Variants in JAK1 observed in about 807,000 individuals in gnomAD.
The protein encoded by JAK1 is tyrosine-protein kinase JAK1.
Under a neutral mutation model 136.6 loss-of-function variants are expected in JAK1, and 16 were observed. The observed-to-expected ratio is 0.12, with a 90% CI of 0.08 to 0.18. The LOEUF (loss-of-function observed/expected upper bound fraction) is 0.18, where lower values mean the gene tolerates loss of function less well. JAK1 is among the 10% of genes least tolerant of loss of function. The pLI is 1.00. For missense variants in JAK1, 859 were observed against 1,450.1 expected (o/e 0.59, Z 6.62); for synonymous variants, 492 against 519.5 (o/e 0.95, Z 0.72).
chr1:64,935,564 G>A (rs1192072258), intron 1 of JAK1, among the ~76,000 whole-genome samples: 2 of 152,160 alleles, frequency 1.3e-5, no homozygotes, highest in African/African-American at 4.8e-5. Context: ...GCCTCCCAAA[G>A]TGCTGAGATT....
At chr1:64,995,774 GTCAC>G (rs1267511417) in intron 2 of JAK1, among the ~76,000 whole-genome samples, 1 of 152,156 alleles carries the variant, frequency 6.6e-6, no homozygotes, top group Non-Finnish European at 1.5e-5. Context: ...GTCTCTCTCT[GTCAC>G]TCAGGCTGGA....
chr1:64,986,884 C>A (rs1290072176), intron 2 of JAK1, among the ~76,000 whole-genome samples: 1 of 151,632 alleles, frequency 6.6e-6, no homozygotes, highest in Non-Finnish European at 1.5e-5. Context: ...AGCCACCCCC[C>A]ACCCAAAAAA....
At chr1:65,038,241 C>T (rs1647095405) in intron 2 of JAK1, among the ~76,000 whole-genome samples, 1 of 149,844 alleles carries the variant, frequency 6.7e-6, no homozygotes, top group South Asian at 2.1e-4. Context: ...TCTTGTTGCC[C>T]AGGCTGGAGT....
chr1:65,004,504 G>C (rs1646788204), intron 2 of JAK1, among the ~76,000 whole-genome samples: 1 of 152,226 alleles, frequency 6.6e-6, no homozygotes. Flanking sequence ...AGAATAGACA[G>C]ATGCAATCTG....
In JAK1 at chr1:64,864,860, T is replaced by G; in HGVS notation, c.1103A>C (p.Tyr368Ser). The change falls in exon 8 of 25, where the codon TAC (tyrosine) becomes TCC (serine). Residue 368 changes from tyrosine to serine, a missense_variant. This residue lies in a region of JAK1 where 353 missense variants were observed against 494.0 expected (regional missense o/e 0.71). Coordinates refer to ENST00000342505, the MANE Select transcript of JAK1 (RefSeq NM_002227.4). ...TACAATGTGAGTGATTTCAGGGAAGTAAGAAAAATTGTTCCACTCTTCCCG... is the reference window on the plus strand; with the variant it reads ...TACAATGTGAGTGATTTCAGGGAAGGAAGAAAAATTGTTCCACTCTTCCCG... ...KIREEWNNFS[Y>S]FPEITHIVIK... The G allele has an allele frequency of 6.2e-7, 1 of 1,613,760 alleles. No individual in the cohort carries two copies. The highest frequency in any genetic ancestry group is 1.1e-5 in the South Asian group (1 of 91,070).
chr1:64,919,877 C>A (rs1645465748), intron 1 of JAK1, among the ~76,000 whole-genome samples: 1 of 152,014 alleles, frequency 6.6e-6, no homozygotes, highest in Non-Finnish European at 1.5e-5. Context: ...CACCCTAGAT[C>A]CTCTCAGGAC....
At chr1:64,871,112 T>C (rs1657046810) in intron 5 of JAK1, among the ~76,000 whole-genome samples, 1 of 152,204 alleles carries the variant, frequency 6.6e-6, no homozygotes, top group Admixed American at 6.5e-5. Flanking sequence ...AAAGACCATC[T>C]AAAAATGGCC....
At chr1:64,898,057 G>A (rs146060840) in intron 1 of JAK1, among the ~76,000 whole-genome samples, 3 of 152,170 alleles carry the variant, frequency 2.0e-5, no homozygotes, top group East Asian at 1.9e-4. Context: ...GCCCCACCTC[G>A]CTATACACAC....
intron 14 of JAK1, among the ~76,000 whole-genome samples, chr1:64,846,223 C>T (rs1557628227): frequency 1.3e-5 from 2 of 152,162 alleles, no homozygotes; most frequent in Non-Finnish European, 2.9e-5. Context: ...GGCTCAGTGG[C>T]TTGACAACCA....
At chr1:65,062,101 T>C (rs528823832) in intron 1 of JAK1, among the ~76,000 whole-genome samples, 5 of 152,306 alleles carry the variant, frequency 3.3e-5, no homozygotes, top group South Asian at 2.1e-4. Flanking sequence ...CTTCCTCATG[T>C]TGACCAAGAG....
At chr1:65,053,042 A>G (rs989879731) in intron 1 of JAK1, among the ~76,000 whole-genome samples, 1 of 148,750 alleles carries the variant, frequency 6.7e-6, no homozygotes, top group Non-Finnish European at 1.5e-5. Context: ...AAAAAAAAAA[A>G]AAAAAAAAAA....
At chr1:64,920,361 G>A (rs1407505432) in intron 1 of JAK1, among the ~76,000 whole-genome samples, 1 of 152,060 alleles carries the variant, frequency 6.6e-6, no homozygotes, top group African/African-American at 2.4e-5. Flanking sequence ...GCAACATGGC[G>A]AGACCTCATC....
At chr1:65,041,230 A>G (rs1400847173) in intron 2 of JAK1, among the ~76,000 whole-genome samples, 4 of 152,180 alleles carry the variant, frequency 2.6e-5, no homozygotes, top group Non-Finnish European at 5.9e-5. Context: ...CCAAGTGGAA[A>G]AAGCTATTTA....
chr1:65,014,809 C>G (rs192182033), intron 2 of JAK1, among the ~76,000 whole-genome samples: 1 of 151,868 alleles, frequency 6.6e-6, no homozygotes, highest in Non-Finnish European at 1.5e-5. Context: ...CTCAGCCTCC[C>G]GAATAGCTGG....
intron 8 of JAK1, among the ~76,000 whole-genome samples, chr1:64,860,880 G>A (rs1205868616): frequency 1.4e-5 from 2 of 139,676 alleles, no homozygotes; most frequent in Non-Finnish European, 3.2e-5. Flanking sequence ...ACGCGGTGGG[G>A]GAGGCTGTGG....
intron 10 of JAK1, 73 bp downstream of exon 10, chr1:64,857,583 G>T (rs1395642758): frequency 6.3e-7 from 1 of 1,578,456 alleles, no homozygotes; most frequent in Middle Eastern, 2.2e-4. Context: ...TCTGTCTGCA[G>T]CAGCTCCTGA....
At chr1:64,879,278 T>C in intron 3 of JAK1, 130 bp from the exon 4 acceptor site, 3 of 1,055,920 alleles carry the variant, frequency 2.8e-6, no homozygotes, top group South Asian at 1.7e-5. Context: ...CATATCCTCT[T>C]AGGGCAAACA....
rs539784600 is a variant in JAK1, at chr1:65,019,887, G to A, written c.-78+24593C>T. 6.6e-5 allele frequency among the ~76,000 whole-genome samples: 10 copies of A among 151,400 alleles called. No individual in the cohort carries two copies. In the South Asian group the frequency reaches 2.1e-3, roughly 32 times the overall value. ...GCCGAGATCATGCCACTGCACTCCA[G>A]CCTGGGTGACAGAGCGAGACTCTGT... On this transcript the variant is annotated intron_variant, in intron 2 of 25. Coordinates refer to the JAK1 transcript ENST00000671954.
At position 64,902,583 on chromosome 1, in the gene JAK1, A is replaced by AGTGTGT. The variant is rs1297802875; in HGVS notation, c.-77-16248_-77-16243dup. On this transcript the variant is annotated intron_variant, in intron 1 of 24. Transcript: ENST00000342505. Reference sequence around the variant, plus strand: ...GAGAGAGAGAGAGAGAGAGAGAGAGAGTGTGTGTGTGTGTGTGTGTGTGTG... The same window carrying AGTGTGT: ...GAGAGAGAGAGAGAGAGAGAGAGAGAGTGTGTGTGTGTGTGTGTGTGTGTGTGTGTG... Among the ~76,000 whole-genome samples the AGTGTGT allele has an allele frequency of 4.4e-3, 326 of 73,764 alleles. 5 individuals are homozygous for AGTGTGT. The highest frequency in any genetic ancestry group is 0.01 in the Middle Eastern group (1 of 96). The allele number at this position is 73,764 out of a possible 152,430, so 48.4% of individuals were successfully genotyped here. A position where few individuals can be genotyped will look rare whatever the true frequency, so the allele number is the denominator to read the frequency against.
Sources: allele counts gnomAD v4.1 joint callset (sites outside exome capture counted in the v4.1 genomes callset), GRCh38; gene constraint gnomAD v4.1.1; regional missense constraint gnomAD v4.1.1; transcripts MANE v1.5; gene names NCBI Gene and HGNC (gene_info 2026-07-23, HGNC 2026-07-21).